The following ZFP82 variants were observed in gnomAD, a reference collection of about 807,000 sequenced individuals.
ZFP82 encodes ZFP82 zinc finger protein, also known as zinc finger protein 82 homolog.
ZFP82 carries 30 observed loss-of-function variants against 54.0 expected under a neutral mutation model. The observed-to-expected ratio is 0.56, with a 90% CI of 0.42 to 0.75. The LOEUF (loss-of-function observed/expected upper bound fraction) is 0.75, where lower values mean the gene tolerates loss of function less well. Among genes scored for constraint, ZFP82 ranks in the 30% least tolerant of loss-of-function variants. The pLI, the probability that ZFP82 is intolerant of heterozygous loss-of-function variation, is 0.00. For synonymous variants in ZFP82, 194 were observed against 209.5 expected (o/e 0.93, Z 0.64); for missense variants, 500 against 636.8 (o/e 0.79, Z 2.31).
At chr19:36,413,730 C>G (rs1053903829) in intron 1 of ZFP82, among the ~76,000 whole-genome samples, 3 of 152,092 alleles carry the variant, frequency 2.0e-5, no homozygotes, top group African/African-American at 7.2e-5. Context: ...TTCAGTGTCT[C>G]AGTTTCCTCA....
In ZFP82 at chr19:36,412,923, CAACA is replaced by C. The variant is rs777557722; in HGVS notation, c.-78-3060_-78-3057del. 4.9e-4 allele frequency among the ~76,000 whole-genome samples: 74 copies of C among 152,300 alleles called. 2 individuals carry two copies. The highest frequency in any genetic ancestry group is 1.2e-3 in the South Asian group (6 of 4,820). On this transcript the variant is annotated intron_variant, in intron 1 of 4. Coordinates refer to ENST00000392161, the MANE Select transcript of ZFP82 (RefSeq NM_133466.4). ...GCATAGGCTTATCTACCTTGAAAGA[CAACA>C]AACAATGTAAGGATATCAACCATGT... is the stretch of plus-strand genomic sequence containing the variant.
chr19:36,385,966 A>G (rs932063357), downstream of ZFP82, among the ~76,000 whole-genome samples: 2 of 152,248 alleles, frequency 1.3e-5, no homozygotes, highest in Non-Finnish European at 2.9e-5. Flanking sequence ...GATATGGAAA[A>G]TTTGCAGCCT....
chr19:36,386,883 C>T (rs959529869), downstream of ZFP82, among the ~76,000 whole-genome samples: 18 of 151,872 alleles, frequency 1.2e-4, no homozygotes, highest in African/African-American at 1.9e-4. Context: ...TGCAGTGGGC[C>T]GAGATCACGC....
chr19:36,411,004 C>T (rs1600109798), intron 1 of ZFP82, among the ~76,000 whole-genome samples: 1 of 151,952 alleles, frequency 6.6e-6, no homozygotes, highest in African/African-American at 2.4e-5. Context: ...ACCAGCCTGA[C>T]CAACATGGTA....
Position 36,393,234 on chromosome 19 carries a change from T to G in ZFP82, c.1106A>C (p.Lys369Thr). The G allele has an allele frequency of 1.2e-6, 2 of 1,614,064 alleles. No individual in the cohort carries two copies. Among genetic ancestry groups the G allele is most frequent in the Non-Finnish European group, 1.7e-6 (2 of 1,180,020 alleles). Residue 369 changes from lysine to threonine, a missense_variant, in exon 5 of 5, where the codon AAG becomes ACG. Coordinates refer to ENST00000392161, the MANE Select transcript of ZFP82 (RefSeq NM_133466.4). ...IHTGEKPYEC[K>T]ECGKTFSRGY... Reference sequence around the variant, plus strand: ...ACGGCTAAAGGTCTTTCCACATTCCTTACATTCATAGGGTTTCTCACCAGT... The same window carrying G: ...ACGGCTAAAGGTCTTTCCACATTCCGTACATTCATAGGGTTTCTCACCAGT...
chr19:36,410,390 G>T (rs1474063320), intron 1 of ZFP82, among the ~76,000 whole-genome samples: 1 of 151,942 alleles, frequency 6.6e-6, no homozygotes, highest in African/African-American at 2.4e-5. Flanking sequence ...AATAACAAAT[G>T]TCTATTTATC....
intron 1 of ZFP82, among the ~76,000 whole-genome samples, chr19:36,416,313 G>A (rs890487243): frequency 1.3e-5 from 2 of 152,116 alleles, no homozygotes; most frequent in Non-Finnish European, 2.9e-5. Flanking sequence ...AATCTTAATG[G>A]ATCATGTTTG....
chr19:36,414,988 AT>A (rs1233344151), intron 1 of ZFP82, among the ~76,000 whole-genome samples: 1 of 151,470 alleles, frequency 6.6e-6, no homozygotes, highest in Non-Finnish European at 1.5e-5. Context: ...CGCCTGGCTA[AT>A]TTTGTATTTT....
chr19:36,416,312 G>A (rs1050609961), intron 1 of ZFP82, among the ~76,000 whole-genome samples: 2 of 152,146 alleles, frequency 1.3e-5, no homozygotes, highest in Admixed American at 6.5e-5. Context: ...GAATCTTAAT[G>A]GATCATGTTT....
At chr19:36,414,525 G>A (rs564538176) in intron 1 of ZFP82, among the ~76,000 whole-genome samples, 34 of 151,324 alleles carry the variant, frequency 2.2e-4, no homozygotes, top group Non-Finnish European at 4.1e-4. Context: ...CACCACACCC[G>A]GCTGATTTTT....
At chr19:36,407,851 AAC>A in intron 3 of ZFP82, 34 bp downstream of exon 3, 1 of 1,602,016 alleles carries the variant, frequency 6.2e-7, no homozygotes, top group Non-Finnish European at 8.5e-7. Flanking sequence ...ATTTACAGAG[AAC>A]ACAGTCTAAA....
At chr19:36,407,580 A>G (rs570071576) in intron 3 of ZFP82, among the ~76,000 whole-genome samples, 1 of 136,984 alleles carries the variant, frequency 7.3e-6, no homozygotes, top group African/African-American at 2.7e-5. Flanking sequence ...GCAACAAAAC[A>G]TCTAAAGCAG....
At chr19:36,396,971 A>G (rs2032305785) in intron 4 of ZFP82, among the ~76,000 whole-genome samples, 1 of 152,226 alleles carries the variant, frequency 6.6e-6, no homozygotes, top group Non-Finnish European at 1.5e-5. Flanking sequence ...AACATCGTTA[A>G]AAGTCTCATT....
intron 1 of ZFP82, 61 bp from the exon 2 acceptor site, chr19:36,409,928 G>C: frequency 1.2e-6 from 1 of 841,362 alleles, no homozygotes; most frequent in Non-Finnish European, 1.9e-6. Flanking sequence ...CAAATGATTT[G>C]AGTTACTGTG....
chr19:36,385,015 G>A (rs996060765), downstream of ZFP82, among the ~76,000 whole-genome samples: 2 of 152,192 alleles, frequency 1.3e-5, no homozygotes, highest in Non-Finnish European at 2.9e-5. Context: ...GGAAGGTGCT[G>A]TGGTTTGAAT....
intron 2 of ZFP82, 77 bp downstream of exon 2, chr19:36,409,704 G>A (rs2032544132): frequency 6.6e-7 from 1 of 1,506,114 alleles, no homozygotes; most frequent in South Asian, 1.1e-5. Context: ...AGCTCTGATA[G>A]TAAGGAAGTT....
At chr19:36,403,568 C>G (rs2032429792) in intron 4 of ZFP82, among the ~76,000 whole-genome samples, 1 of 130,304 alleles carries the variant, frequency 7.7e-6, no homozygotes, top group Non-Finnish European at 1.6e-5. Flanking sequence ...TGCAGTGAGC[C>G]AAGATCACGC....
At position 36,388,772 on chromosome 19, in the gene ZFP82, G is replaced by C. The variant is rs909706586; in HGVS notation, c.*3969C>G. Among the ~76,000 whole-genome samples, 3 of 151,702 alleles carry C rather than the reference G, an allele frequency of 2.0e-5. No individual in the cohort carries two copies. Among genetic ancestry groups the C allele is most frequent in the African/African-American group, 4.8e-5 (2 of 41,254 alleles). On this transcript the variant is annotated 3_prime_UTR_variant, in exon 5 of 5. Transcript: ENST00000392161. ...ATTTATTTGATCATATAAACTACTT[G>C]CTGTTATTCACCTTAGTTTTTAAAA...
chr19:36,406,317 G>C (rs1393021728), intron 3 of ZFP82, among the ~76,000 whole-genome samples: 2 of 152,122 alleles, frequency 1.3e-5, no homozygotes, highest in Non-Finnish European at 2.9e-5. Flanking sequence ...TAAATTTACA[G>C]AGTTGTGCAA....
Sources: allele counts gnomAD v4.1 joint callset (sites outside exome capture counted in the v4.1 genomes callset), GRCh38; gene constraint gnomAD v4.1.1; transcripts MANE v1.5; gene names NCBI Gene and HGNC (gene_info 2026-07-23, HGNC 2026-07-21).